Variants in LRRC7 observed in about 807,000 individuals in gnomAD.
The protein encoded by LRRC7 is leucine-rich repeat-containing protein 7.
LRRC7 carries 23 observed loss-of-function variants against 175.7 expected under a neutral mutation model. The ratio of observed to expected loss-of-function variants is 0.13; its 90% CI spans 0.09 to 0.19. LRRC7 has a LOEUF of 0.19. Ranked by LOEUF, LRRC7 falls within the 10% of genes least tolerant of loss-of-function variation. The pLI is 1.00. For synonymous variants in LRRC7, 685 were observed against 680.9 expected (o/e 1.01, Z -0.09); for missense variants, 1,354 against 1,904.7 (o/e 0.71, Z 5.38).
intron 8 of LRRC7, among the ~76,000 whole-genome samples, chr1:69,936,713 T>C (rs965237463): frequency 6.6e-6 from 1 of 152,098 alleles, no homozygotes; most frequent in Admixed American, 6.6e-5. Flanking sequence ...ATCTTCACCC[T>C]CCTCCTACCC....
intron 2 of LRRC7, among the ~76,000 whole-genome samples, chr1:69,717,979 G>A (rs1665802546): frequency 7.3e-6 from 1 of 137,590 alleles, no homozygotes; most frequent in Non-Finnish European, 1.6e-5. Context: ...GAAAGAGAAA[G>A]AAAGAGGAGG....
At chr1:69,834,893 T>C (rs1234345432) in intron 6 of LRRC7, 24 bp downstream of exon 6, 1 of 1,566,850 alleles carries the variant, frequency 6.4e-7, no homozygotes, top group Non-Finnish European at 8.8e-7. Context: ...ATTTAAATTA[T>C]GCAATTATAT....
intron 16 of LRRC7, among the ~76,000 whole-genome samples, chr1:70,022,013 T>C (rs1220836554): frequency 6.6e-6 from 1 of 152,148 alleles, no homozygotes; most frequent in Non-Finnish European, 1.5e-5. Flanking sequence ...TTTGTCTCTG[T>C]CCTCTCCTTT....
intron 24 of LRRC7, among the ~76,000 whole-genome samples, chr1:70,085,401 G>A (rs903111926): frequency 6.6e-6 from 1 of 152,146 alleles, no homozygotes; most frequent in Non-Finnish European, 1.5e-5. Flanking sequence ...TTCTCCCAGT[G>A]AATTACCTTG....
intron 8 of LRRC7, among the ~76,000 whole-genome samples, chr1:69,960,326 T>G (rs1367955878): frequency 6.6e-6 from 1 of 152,076 alleles, no homozygotes; most frequent in African/African-American, 2.4e-5. Context: ...CCAGTGGTAA[T>G]ACCCCCCCTT....
intron 7 of LRRC7, among the ~76,000 whole-genome samples, chr1:69,912,973 T>G (rs947136100): frequency 2.0e-5 from 3 of 152,192 alleles, no homozygotes; most frequent in Non-Finnish European, 4.4e-5. Context: ...TTTTTCGTAT[T>G]GTGCATTAAA....
In LRRC7 at chr1:69,621,735, C is replaced by T. The variant is rs534164104; in HGVS notation, c.2+53094C>T. Among the ~76,000 whole-genome samples the T allele has an allele frequency of 3.9e-5, 6 of 152,300 alleles. No individual in the cohort carries two copies. The South Asian group carries it at 1.0e-3, about 26-fold the overall frequency. On this transcript the variant is annotated intron_variant, in intron 1 of 26. Transcript: ENST00000651989. ...GCAACTGGAATTGTATTCAAAGCTT[C>T]TTTCTATGCCTTGGCCTCTTTCCTT... is the stretch of plus-strand genomic sequence containing the variant.
intron 8 of LRRC7, among the ~76,000 whole-genome samples, chr1:69,939,861 A>G (rs1283112705): frequency 6.6e-6 from 1 of 152,118 alleles, no homozygotes; most frequent in Non-Finnish European, 1.5e-5. Context: ...AACTCTAAAC[A>G]ATAGTAGAGG....
intron 23 of LRRC7, among the ~76,000 whole-genome samples, chr1:70,061,123 A>G (rs1033464035): frequency 1.3e-5 from 2 of 151,924 alleles, no homozygotes; most frequent in Non-Finnish European, 2.9e-5. Flanking sequence ...AGTCTCAATC[A>G]TCACTTCTCT....
chr1:70,000,108 A>G (rs988539121), intron 11 of LRRC7, among the ~76,000 whole-genome samples: 2 of 152,168 alleles, frequency 1.3e-5, no homozygotes, highest in Non-Finnish European at 2.9e-5. Flanking sequence ...CCTACTAATT[A>G]CTGGGGAAAC....
intron 7 of LRRC7, among the ~76,000 whole-genome samples, chr1:69,910,943 A>T (rs1646507317): frequency 6.6e-6 from 1 of 152,088 alleles, no homozygotes; most frequent in Non-Finnish European, 1.5e-5. Context: ...TTGCAGTTTG[A>T]TCTCAGACTG....
chr1:69,595,006 A>G (rs534394875), intron 1 of LRRC7, among the ~76,000 whole-genome samples: 25 of 148,766 alleles, frequency 1.7e-4, no homozygotes, highest in African/African-American at 5.2e-4. Context: ...TTTTGTAAAA[A>G]TGATCATTTT....
intron 8 of LRRC7, among the ~76,000 whole-genome samples, chr1:69,962,208 C>A (rs1008610371): frequency 1.8e-4 from 28 of 151,968 alleles, no homozygotes; most frequent in African/African-American, 6.3e-4. Context: ...CATACATGCA[C>A]CCAACAATTA....
intron 24 of LRRC7, among the ~76,000 whole-genome samples, chr1:70,077,630 G>A (rs977026736): frequency 2.6e-5 from 4 of 151,974 alleles, no homozygotes; most frequent in Admixed American, 6.6e-5. Context: ...ATCGGTTTTC[G>A]CCTACATTGA....
At chr1:69,697,282 T>C (rs1281321914) in intron 2 of LRRC7, among the ~76,000 whole-genome samples, 1 of 152,180 alleles carries the variant, frequency 6.6e-6, no homozygotes, top group Non-Finnish European at 1.5e-5. Flanking sequence ...ACAAACTCAA[T>C]TCTTAAAATC....
At chr1:69,953,960 A>G (rs1460962547) in intron 8 of LRRC7, among the ~76,000 whole-genome samples, 2 of 152,080 alleles carry the variant, frequency 1.3e-5, no homozygotes, top group East Asian at 3.8e-4. Flanking sequence ...AATTTGTTGA[A>G]TAAATGCTTA....
chr1:70,117,356 A>C (rs545846676), intron 26 of LRRC7, among the ~76,000 whole-genome samples: 22 of 152,356 alleles, frequency 1.4e-4, no homozygotes, highest in Middle Eastern at 6.8e-3. Context: ...ATTTAACAAA[A>C]CATTTACCAG....
intron 7 of LRRC7, among the ~76,000 whole-genome samples, chr1:69,873,025 A>G (rs575435985): frequency 6.6e-6 from 1 of 152,260 alleles, no homozygotes; most frequent in South Asian, 2.1e-4. Context: ...ATTCATAGTA[A>G]AATATCAATG....
intron 11 of LRRC7, among the ~76,000 whole-genome samples, chr1:70,004,214 G>A (rs146768545): frequency 7.2e-5 from 11 of 152,254 alleles, no homozygotes; most frequent in Non-Finnish European, 1.2e-4. Context: ...AGCATAGGCC[G>A]TGAGATTTGG....
Sources: gnomAD v4.1 joint callset for allele counts (sites outside exome capture counted in the v4.1 genomes callset) on GRCh38, gnomAD v4.1.1 for gene constraint, MANE v1.5 for transcripts, NCBI Gene and HGNC (gene_info 2026-07-23, HGNC 2026-07-21) for gene names.